ESCO1: variants seen among roughly 807,000 people sequenced by gnomAD.
ESCO1 encodes the protein N-acetyltransferase ESCO1.
ESCO1 carries 33 observed loss-of-function variants against 83.5 expected under a neutral mutation model. The observed-to-expected ratio is 0.40, with a 90% confidence interval of 0.30 to 0.53. The LOEUF is 0.53. ESCO1 is among the 20% of genes least tolerant of loss of function. The pLI is 0.63. For missense variants in ESCO1, 855 were observed against 968.0 expected, an observed-to-expected ratio of 0.88 and a Z score of 1.55; for synonymous variants, 332 against 324.3, an observed-to-expected ratio of 1.02 and a Z score of -0.25.
intron 2 of ESCO1, among the ~76,000 whole-genome samples, chr18:21,582,722 A>T (rs1024826435): frequency 2.6e-5 from 4 of 152,258 alleles, no homozygotes; most frequent in Non-Finnish European, 5.9e-5. Context: ...ATAATAATAC[A>T]AATTAAAACC....
At chr18:21,558,208 A>G (rs1383657540) in intron 8 of ESCO1, among the ~76,000 whole-genome samples, 3 of 152,126 alleles carry the variant, frequency 2.0e-5, no homozygotes, top group African/African-American at 7.2e-5. Context: ...CTAGTTTCTA[A>G]TAAGTCAAAT....
intron 8 of ESCO1, among the ~76,000 whole-genome samples, chr18:21,556,535 G>A (rs1369924545): frequency 6.6e-6 from 1 of 152,180 alleles, no homozygotes; most frequent in East Asian, 1.9e-4. Context: ...CGTTCTGTGT[G>A]ATGATGCAAA....
intron 3 of ESCO1, 59 bp downstream of exon 3, chr18:21,575,613 C>T (rs1303050228): frequency 2.5e-6 from 1 of 398,162 alleles, no homozygotes; most frequent in Non-Finnish European, 4.4e-6. Flanking sequence ...TAATCAATAA[C>T]TTGTCTTACA....
At chr18:21,592,445 C>T (rs1392596196) in intron 1 of ESCO1, among the ~76,000 whole-genome samples, 1 of 145,614 alleles carries the variant, frequency 6.9e-6, no homozygotes, top group African/African-American at 2.5e-5. Flanking sequence ...CCCCACCTCC[C>T]TCCCGGATGG....
intron 10 of ESCO1, among the ~76,000 whole-genome samples, chr18:21,535,382 T>C (rs1598975436): frequency 9.2e-6 from 1 of 109,068 alleles, no homozygotes; most frequent in Non-Finnish European, 2.3e-5. Context: ...GCCTGGCTAT[T>C]TTTTTTTTTC....
At chr18:21,552,151 A>G (rs1203401179) in intron 8 of ESCO1, among the ~76,000 whole-genome samples, 4 of 152,220 alleles carry the variant, frequency 2.6e-5, no homozygotes, top group African/African-American at 9.6e-5. Context: ...TTGAGAGGGA[A>G]AAGACTTAGA....
At chr18:21,589,393 ATGG>A (rs1239929144) in intron 1 of ESCO1, among the ~76,000 whole-genome samples, 1 of 145,170 alleles carries the variant, frequency 6.9e-6, no homozygotes, top group Non-Finnish European at 1.5e-5. Context: ...CCTCATCTTG[ATGG>A]TTTTTTTTAC....
intron 2 of ESCO1, among the ~76,000 whole-genome samples, chr18:21,581,536 G>A (rs1037681836): frequency 2.2e-4 from 33 of 150,562 alleles, no homozygotes; most frequent in Admixed American, 1.5e-3. Context: ...GTTGGAACCC[G>A]GGAGGCAGAG....
Position 21,574,804 on chromosome 18 carries a change from T to C in ESCO1, c.40A>G (p.Lys14Glu), listed in dbSNP as rs1186140149. 3 of 1,596,158 alleles carry C rather than the reference T, an allele frequency of 1.9e-6. No homozygotes were observed. The highest frequency in any genetic ancestry group is 8.5e-7 in the Non-Finnish European group (1 of 1,178,564). ...TTATCGTCACTTTTTTTAGTAACTT[T>C]GGAGGAATTCTCTTTTGATTTCTCC... is the stretch of plus-strand genomic sequence containing the variant. ...IQEKSKENSS[K>E]VTKKSDDKNS... Residue 14 changes from lysine (K) to glutamate (E), a missense_variant, in exon 4 of 12, where the codon AAA (lysine) becomes GAA (glutamate). Lys to Glu is a moderately conservative substitution (Grantham distance 56, BLOSUM62 1). Coordinates refer to ENST00000269214, the MANE Select transcript of ESCO1 (RefSeq NM_052911.3).
At chr18:21,592,246 G>A (rs1272959481) in intron 1 of ESCO1, among the ~76,000 whole-genome samples, 13 of 151,000 alleles carry the variant, frequency 8.6e-5, no homozygotes, top group African/African-American at 3.2e-4. Flanking sequence ...AGTAGGGGCG[G>A]CCGGGCAGAG....
chr18:21,592,177 G>A (rs1357231107), intron 1 of ESCO1, among the ~76,000 whole-genome samples: 2 of 149,002 alleles, frequency 1.3e-5, no homozygotes, highest in Non-Finnish European at 3.0e-5. Context: ...TTCTCAATAA[G>A]CTGTTGGGCA....
intron 1 of ESCO1, among the ~76,000 whole-genome samples, chr18:21,600,210 G>A (rs2038823317): frequency 6.6e-6 from 1 of 152,236 alleles, no homozygotes; most frequent in Admixed American, 6.5e-5. Flanking sequence ...GCGGAGACGG[G>A]GCCCGGAGCT....
intron 11 of ESCO1, among the ~76,000 whole-genome samples, chr18:21,530,785 G>A (rs2037758003): frequency 1.3e-5 from 2 of 151,984 alleles, no homozygotes; most frequent in South Asian, 4.1e-4. Context: ...AAGACATCAA[G>A]GAATATCAGA....
intron 7 of ESCO1, 72 bp from the exon 8 acceptor site, chr18:21,561,062 T>TG: frequency 2.1e-6 from 3 of 1,434,334 alleles, no homozygotes; most frequent in Non-Finnish European, 2.8e-6. Context: ...CCTCTAAGGC[T>TG]ATAGTGTGAG....
In ESCO1 at chr18:21,574,233, T is replaced by C. The variant is rs2038385668; in HGVS notation, c.611A>G (p.Lys204Arg). The C allele has an allele frequency of 6.2e-7, 1 of 1,613,752 alleles. No individual in the cohort carries two copies. Among genetic ancestry groups the C allele is most frequent in the Non-Finnish European group, 8.5e-7 (1 of 1,180,010 alleles). Reference sequence around the variant, plus strand: ...TGTCTGATGTTCTACCTTGCGTTTTTTCCCTTTGGGAGAATTTATTACTTC... The same window carrying C: ...TGTCTGATGTTCTACCTTGCGTTTTCTCCCTTTGGGAGAATTTATTACTTC... The part of the protein sequence containing the change: ...INEVINSPKG[K>R]KRKVEHQTAC... Residue 204 changes from lysine to arginine, a missense_variant, in exon 4 of 12, where the codon AAA (lysine) becomes AGA (arginine). By Grantham distance (26) the Lys-to-Arg change is conservative (BLOSUM62 2). This residue lies in a region of ESCO1 where 726 missense variants were observed against 699.5 expected (regional missense o/e 1.04). Coordinates refer to ENST00000269214, the MANE Select transcript of ESCO1 (RefSeq NM_052911.3).
In ESCO1 at chr18:21,575,013, G is replaced by T. The variant is rs979649951; in HGVS notation, c.-170C>A. On this transcript the variant is annotated 5_prime_UTR_variant, in exon 4 of 12. Coordinates refer to ENST00000269214, the MANE Select transcript of ESCO1 (RefSeq NM_052911.3). ...AAAATACTAGTTTGCTTCAAGTAAG[G>T]TTTCTGTCATTCCTAGAACATGAGA... The T allele has an allele frequency of 1.7e-5, 9 of 515,938 alleles. No individual in the cohort carries two copies. The highest frequency in any genetic ancestry group is 3.5e-5 in the South Asian group (1 of 28,396). The allele number at this position is 515,938 out of a possible 1,614,324, so 32.0% of individuals were successfully genotyped here. A position where few individuals can be genotyped will look rare whatever the true frequency, so the allele number is the denominator to read the frequency against.
intron 1 of ESCO1, among the ~76,000 whole-genome samples, chr18:21,599,367 T>C (rs2038808966): frequency 6.6e-6 from 1 of 152,080 alleles, no homozygotes; most frequent in Non-Finnish European, 1.5e-5. Flanking sequence ...ACTTAAAACT[T>C]TATTCGTGTT....
chr18:21,591,919 G>T (rs2038676330), intron 1 of ESCO1, among the ~76,000 whole-genome samples: 2 of 151,078 alleles, frequency 1.3e-5, no homozygotes, highest in Admixed American at 1.3e-4. Flanking sequence ...AGCACATCTT[G>T]CACTGCCCTT....
intron 1 of ESCO1, among the ~76,000 whole-genome samples, chr18:21,590,653 T>C (rs2038652588): frequency 6.6e-6 from 1 of 152,076 alleles, no homozygotes; most frequent in South Asian, 2.1e-4. Flanking sequence ...TTACCCTTAA[T>C]TGAAAATTCA....
Sources: allele counts gnomAD v4.1 joint callset (sites outside exome capture counted in the v4.1 genomes callset), GRCh38; gene constraint gnomAD v4.1.1; regional missense constraint gnomAD v4.1.1; transcripts MANE v1.5; gene names NCBI Gene and HGNC (gene_info 2026-07-23, HGNC 2026-07-21).